NXPE2: variants seen among roughly 807,000 people sequenced by gnomAD.
The protein encoded by NXPE2 is neurexophilin and PC-esterase domain family member 2.
In NXPE2, 34 loss-of-function variants were observed where a neutral mutation model predicts 34.4. That is an observed-to-expected ratio of 0.99 (90% CI 0.75 to 1.31). The LOEUF is 1.31. Ranked by LOEUF, NXPE2 falls within the 40% of genes most tolerant of loss-of-function variation. The pLI is 0.00. For missense variants in NXPE2, 649 were observed against 672.5 expected, an observed-to-expected ratio of 0.97 and a Z score of 0.39; for synonymous variants, 235 against 231.3, an observed-to-expected ratio of 1.02 and a Z score of -0.15.
At chr11:114,722,863 A>G in the NXPE2 span, among the ~76,000 whole-genome samples, 59 of 152,212 alleles carry the variant, frequency 3.9e-4, no homozygotes, top group Non-Finnish European at 7.9e-4. Flanking sequence ...AAGTTGGGGT[A>G]ATGAAGTGCC....
the NXPE2 span, among the ~76,000 whole-genome samples, chr11:114,641,076 T>G: frequency 6.6e-6 from 1 of 152,092 alleles, no homozygotes; most frequent in Non-Finnish European, 1.5e-5. Context: ...TTGAAGTTTC[T>G]TGGTCTGAAA....
At chr11:114,606,656 G>A in the NXPE2 span, among the ~76,000 whole-genome samples, 1 of 151,994 alleles carries the variant, frequency 6.6e-6, no homozygotes, top group African/African-American at 2.4e-5. Context: ...GTGTTACTCG[G>A]TGGATAGTAA....
At chr11:114,619,305 C>T in the NXPE2 span, among the ~76,000 whole-genome samples, 31 of 152,038 alleles carry the variant, frequency 2.0e-4, no homozygotes, top group Non-Finnish European at 1.9e-4. Flanking sequence ...TGGGTAACCA[C>T]TGTTCCCCGC....
the NXPE2 span, among the ~76,000 whole-genome samples, chr11:114,776,103 A>G: frequency 6.6e-6 from 1 of 152,246 alleles, no homozygotes; most frequent in Admixed American, 6.5e-5. Flanking sequence ...GCTAGGAGAC[A>G]GCTTGGGAGG....
the NXPE2 span, among the ~76,000 whole-genome samples, chr11:114,509,318 T>A: frequency 1.8e-3 from 272 of 152,344 alleles, no homozygotes; most frequent in African/African-American, 5.8e-3. Context: ...TTTACACTGT[T>A]AGTGGGAGTG....
chr11:114,494,498 T>C, the NXPE2 span, among the ~76,000 whole-genome samples: 3 of 152,218 alleles, frequency 2.0e-5, no homozygotes, highest in African/African-American at 7.2e-5. Flanking sequence ...CTATGATGCA[T>C]TCTTCAATAG....
At chr11:114,500,216 A>C in the NXPE2 span, among the ~76,000 whole-genome samples, 1 of 152,092 alleles carries the variant, frequency 6.6e-6, no homozygotes, top group Non-Finnish European at 1.5e-5. Flanking sequence ...TACCATATAT[A>C]TATTCCATAC....
At chr11:114,688,167 C>T (rs1951081736) in intron 2 of NXPE2, among the ~76,000 whole-genome samples, 1 of 151,690 alleles carries the variant, frequency 6.6e-6, no homozygotes. Flanking sequence ...GTTCCAGCTC[C>T]TAGGGAAAAT....
the NXPE2 span, chr11:114,517,767 G>C: frequency 1.3e-5 from 2 of 152,318 alleles, no homozygotes; most frequent in Non-Finnish European, 2.9e-5. Flanking sequence ...AGTAAGGGGA[G>C]AAGGAGGCTT....
chr11:114,607,935 T>C, the NXPE2 span, among the ~76,000 whole-genome samples: 3 of 151,850 alleles, frequency 2.0e-5, no homozygotes, highest in Non-Finnish European at 4.4e-5. Flanking sequence ...TATTGCCTCA[T>C]GTCTAACCAC....
chr11:114,768,092 G>T, the NXPE2 span, among the ~76,000 whole-genome samples: 1 of 144,586 alleles, frequency 6.9e-6, no homozygotes, highest in South Asian at 2.2e-4. Context: ...TTTGTATAAG[G>T]TGTAAGGAAG....
chr11:114,780,423 A>T, the NXPE2 span, among the ~76,000 whole-genome samples: 1 of 152,218 alleles, frequency 6.6e-6, no homozygotes, highest in Non-Finnish European at 1.5e-5. Context: ...TGGGTTGAGG[A>T]GAGGCACAGG....
intron 2 of NXPE2, among the ~76,000 whole-genome samples, chr11:114,684,685 A>G (rs756085252): frequency 6.6e-6 from 1 of 152,140 alleles, no homozygotes; most frequent in Non-Finnish European, 1.5e-5. Context: ...TAGAACAGCA[A>G]TTAAAGGGGG....
the NXPE2 span, among the ~76,000 whole-genome samples, chr11:114,785,232 A>G: frequency 2.0e-5 from 3 of 152,074 alleles, no homozygotes; most frequent in African/African-American, 7.2e-5. Context: ...TCAGAATGTC[A>G]AACCTGGATG....
the NXPE2 span, among the ~76,000 whole-genome samples, chr11:114,631,366 C>G: frequency 6.6e-6 from 1 of 151,790 alleles, no homozygotes; most frequent in Non-Finnish European, 1.5e-5. Context: ...AGTTCATGTC[C>G]TTTGTAGGGA....
the NXPE2 span, chr11:114,582,329 T>C: frequency 3.2e-4 from 517 of 1,595,822 alleles, 2 homozygotes; most frequent in African/African-American, 6.0e-3. Flanking sequence ...GATAAGAAAC[T>C]TTCTTGTTCT....
chr11:114,677,898 T>C (rs1364175474), upstream of NXPE2, among the ~76,000 whole-genome samples: 1 of 152,070 alleles, frequency 6.6e-6, no homozygotes, highest in East Asian at 1.9e-4. Context: ...GTGTGACCAC[T>C]GAAAATCCTT....
intron 3 of NXPE2, among the ~76,000 whole-genome samples, chr11:114,701,616 C>A (rs1203050588): frequency 6.6e-6 from 1 of 152,202 alleles, no homozygotes; most frequent in African/African-American, 2.4e-5. Context: ...CAGCTGATTA[C>A]ACATCCAAGA....
At chr11:114,577,269 G>A in the NXPE2 span, among the ~76,000 whole-genome samples, 1 of 151,426 alleles carries the variant, frequency 6.6e-6, no homozygotes, top group South Asian at 2.1e-4. Flanking sequence ...TGGAATGGGA[G>A]GCTATTATTC....
Sources: allele counts gnomAD v4.1 joint callset (sites outside exome capture counted in the v4.1 genomes callset), GRCh38; gene constraint gnomAD v4.1.1; transcripts MANE v1.5; gene names NCBI Gene and HGNC (gene_info 2026-07-23, HGNC 2026-07-21).